Variants in WNT7B observed in about 807,000 individuals in gnomAD.
WNT7B encodes protein Wnt-7b.
In WNT7B, 19 loss-of-function variants were observed where a neutral mutation model predicts 38.2. The ratio of observed to expected loss-of-function variants is 0.50; its 90% CI spans 0.35 to 0.73. The LOEUF is 0.73. Ranked by LOEUF, WNT7B falls within the 30% of genes least tolerant of loss-of-function variation. The probability of loss-of-function intolerance (pLI) is 0.01; values close to 1 mark genes in which losing one functional copy is unlikely to be tolerated. For missense variants in WNT7B, 423 were observed against 507.9 expected (o/e 0.83, Z 1.61); for synonymous variants, 243 against 209.3 (o/e 1.16, Z -1.39).
chr22:45,952,843 T>C (rs533411850), intron 1 of WNT7B, among the ~76,000 whole-genome samples: 1 of 152,182 alleles, frequency 6.6e-6, no homozygotes, highest in Non-Finnish European at 1.5e-5. Flanking sequence ...AGCCCATCCA[T>C]AGCTCTCCAT....
At chr22:45,924,699 C>A (rs1931022492) in intron 3 of WNT7B, among the ~76,000 whole-genome samples, 1 of 142,440 alleles carries the variant, frequency 7.0e-6, no homozygotes, top group Non-Finnish European at 1.5e-5. Flanking sequence ...GTCCCAAAGG[C>A]TCATCAGGTG....
intron 1 of WNT7B, chr22:45,972,748 G>A (rs1932478570): frequency 6.6e-6 from 1 of 152,386 alleles, no homozygotes; most frequent in South Asian, 2.1e-4. Flanking sequence ...ACACAGCTCT[G>A]GCCTGGCTCC....
chr22:45,954,131 C>T (rs536258878), intron 1 of WNT7B, among the ~76,000 whole-genome samples: 33 of 152,224 alleles, frequency 2.2e-4, no homozygotes, highest in African/African-American at 7.2e-4. Flanking sequence ...CTCAACAATA[C>T]AATGTTACAT....
chr22:45,927,611 C>T (rs770423856), intron 3 of WNT7B: 6 of 891,410 alleles, frequency 6.7e-6, no homozygotes, highest in African/African-American at 1.7e-5. Flanking sequence ...AGAGATGGAA[C>T]AGGGCCAGGT....
intron 2 of WNT7B, among the ~76,000 whole-genome samples, chr22:45,942,003 C>T (rs1017868554): frequency 5.3e-5 from 8 of 152,086 alleles, no homozygotes; most frequent in Admixed American, 5.2e-4. Flanking sequence ...CCCTGGGACA[C>T]GGCTGGCTGG....
At chr22:45,973,629 T>C (rs1932497619) in intron 1 of WNT7B, among the ~76,000 whole-genome samples, 1 of 152,220 alleles carries the variant, frequency 6.6e-6, no homozygotes, top group African/African-American at 2.4e-5. Flanking sequence ...TCCTCTGAGT[T>C]CTGCTTTGGC....
chr22:45,925,983 T>A, intron 3 of WNT7B: 1 of 947,550 alleles, frequency 1.1e-6, no homozygotes, highest in Non-Finnish European at 1.3e-6. Flanking sequence ...CTCCCTCCCC[T>A]GTCCCTGTCT....
At chr22:45,958,773 C>T (rs904039050) in intron 1 of WNT7B, among the ~76,000 whole-genome samples, 2 of 152,186 alleles carry the variant, frequency 1.3e-5, no homozygotes, top group Non-Finnish European at 2.9e-5. Context: ...TCCTGACCCT[C>T]GAAGACAGCG....
At chr22:45,931,913 G>A (rs925094291) in intron 2 of WNT7B, among the ~76,000 whole-genome samples, 1 of 152,154 alleles carries the variant, frequency 6.6e-6, no homozygotes, top group African/African-American at 2.4e-5. Flanking sequence ...CCCCCAGCCA[G>A]GAACCCAGGC....
chr22:45,938,579 A>C (rs1387375854), intron 2 of WNT7B, among the ~76,000 whole-genome samples: 1 of 152,082 alleles, frequency 6.6e-6, no homozygotes, highest in Non-Finnish European at 1.5e-5. Context: ...GGGAGGTTGC[A>C]GTGAACCAAG....
Position 45,976,015 on chromosome 22 carries a change from C to G in WNT7B, c.71+669G>C, listed in dbSNP as rs2146759401. 6.8e-6 allele frequency: 1 copy of G among 146,248 alleles called. No homozygotes were observed. The highest frequency in any genetic ancestry group is 2.1e-4 in the South Asian group (1 of 4,768). 9.1% of individuals were successfully genotyped at this position (146,248 alleles called of 1,614,324 possible). A position where few individuals can be genotyped will look rare whatever the true frequency, so the allele number is the denominator to read the frequency against. On this transcript the variant is annotated intron_variant, in intron 1 of 3. Transcript: ENST00000339464. The surrounding 1 kb of genome is among the most constrained non-coding windows in gnomAD (Gnocchi z 8.5). ...CTCGCCGGGCGCCCGCCCGCCGGGC[C>G]GCGCCAGGGGGAGCGCGGCGAGAGG...
Position 45,927,444 on chromosome 22 carries a change from C to T in WNT7B, c.570+3654G>A, listed in dbSNP as rs566777516. ...CTGGGCCACATGCCAGCTAGGGGAACGGCATAGCAACCCCCCAAATTCATG... is the reference window on the plus strand; with the variant it reads ...CTGGGCCACATGCCAGCTAGGGGAATGGCATAGCAACCCCCCAAATTCATG... On this transcript the variant is annotated intron_variant, in intron 3 of 3. Transcript: ENST00000339464. The T allele has an allele frequency of 2.0e-4, 304 of 1,547,140 alleles. 2 individuals carry two copies. The highest frequency in any genetic ancestry group is 1.9e-3 in the Middle Eastern group (11 of 5,824).
intron 2 of WNT7B, among the ~76,000 whole-genome samples, chr22:45,947,101 A>G (rs1347204480): frequency 6.6e-6 from 1 of 151,666 alleles, no homozygotes; most frequent in African/African-American, 2.4e-5. Context: ...CCTGCTCATG[A>G]CTCCCCGCAG....
At chr22:45,954,522 C>A (rs1052041351) in intron 1 of WNT7B, among the ~76,000 whole-genome samples, 1 of 152,186 alleles carries the variant, frequency 6.6e-6, no homozygotes, top group African/African-American at 2.4e-5. Flanking sequence ...CCCACCCAGC[C>A]GACGCCCTGC....
intron 1 of WNT7B, among the ~76,000 whole-genome samples, chr22:45,952,550 G>T (rs1931958123): frequency 6.6e-6 from 1 of 152,258 alleles, no homozygotes; most frequent in Admixed American, 6.5e-5. Context: ...TGAGATGGAT[G>T]GGAACCCTGC....
rs1303087736 is a variant in WNT7B, at chr22:45,977,053, T to A, written c.-299A>T. ...CGCGGGCCGGGGGCCCGGGCGCGGC[T>A]GGCGGGCGGGTGCAGCCTGCACTAG... On this transcript the variant is annotated 5_prime_UTR_variant, in exon 1 of 4. Transcript: ENST00000339464. 1 of 980,854 alleles carries A rather than the reference T, an allele frequency of 1.0e-6. No individual in the cohort carries two copies. Among genetic ancestry groups the A allele is most frequent in the East Asian group, 1.1e-4 (1 of 8,770 alleles). 60.8% of individuals were successfully genotyped at this position (980,854 alleles called of 1,614,324 possible).
At chr22:45,964,302 G>A (rs1932263043) in intron 1 of WNT7B, among the ~76,000 whole-genome samples, 1 of 152,122 alleles carries the variant, frequency 6.6e-6, no homozygotes, top group African/African-American at 2.4e-5. Flanking sequence ...AGAAAGGTGT[G>A]CCCAACATGC....
chr22:45,964,637 G>A (rs1279304936), intron 1 of WNT7B, among the ~76,000 whole-genome samples: 2 of 152,250 alleles, frequency 1.3e-5, no homozygotes, highest in East Asian at 3.9e-4. Context: ...TCCCACCTGT[G>A]CCACTAGGGG....
chr22:45,920,692 T>TA lies in WNT7B; in HGVS notation c.*2163_*2164insT, dbSNP rs1428600196. On this transcript the variant is annotated 3_prime_UTR_variant, in exon 4 of 4. Coordinates refer to ENST00000339464, the MANE Select transcript of WNT7B (RefSeq NM_058238.3). The stretch of plus-strand genomic sequence containing the variant: ...TAGGGATGAGGGATGGGATGGGGGA[T>TA]GGGGTCAGGGATGGGATGGGGGATG... The TA allele has an allele frequency of 3.6e-5, 1 of 27,784 alleles. No individual in the cohort carries two copies. Among genetic ancestry groups the TA allele is most frequent in the Non-Finnish European group, 6.1e-5 (1 of 16,480 alleles). 1.7% of individuals were successfully genotyped at this position (27,784 alleles called of 1,614,324 possible). A position where few individuals can be genotyped will look rare whatever the true frequency, so the allele number is the denominator to read the frequency against.
Sources: gnomAD v4.1 joint callset for allele counts (sites outside exome capture counted in the v4.1 genomes callset) on GRCh38, gnomAD v4.1.1 for gene constraint, Gnocchi (gnomAD v3.1) non-coding constraint, MANE v1.5 for transcripts, NCBI Gene and HGNC (gene_info 2026-07-23, HGNC 2026-07-21) for gene names.